SYN3: variants seen among roughly 807,000 people sequenced by gnomAD.
SYN3 encodes synapsin III.
Under a neutral mutation model 65.8 loss-of-function variants are expected in SYN3, and 35 were observed. That is an observed-to-expected ratio of 0.53 (90% CI 0.41 to 0.70). The LOEUF (loss-of-function observed/expected upper bound fraction) is 0.70. SYN3 is among the 30% of genes least tolerant of loss of function. SYN3 has a pLI of 0.00. For missense variants in SYN3, 680 were observed against 749.0 expected, an observed-to-expected ratio of 0.91 and a Z score of 1.08; for synonymous variants, 270 against 292.9, an observed-to-expected ratio of 0.92 and a Z score of 0.80.
chr22:33,021,073 G>A (rs2053551694), intron 1 of SYN3, among the ~76,000 whole-genome samples: 1 of 152,090 alleles, frequency 6.6e-6, no homozygotes, highest in African/African-American at 2.4e-5. Context: ...TTGCCAGAAA[G>A]TCTGACAGTG....
At chr22:32,614,939 C>T (rs1258981217) in intron 6 of SYN3, among the ~76,000 whole-genome samples, 5 of 150,108 alleles carry the variant, frequency 3.3e-5, no homozygotes, top group African/African-American at 1.2e-4. Flanking sequence ...CTCCAAGGGA[C>T]CTTTTATTCT....
At chr22:32,552,653 T>C (rs559038519) in intron 7 of SYN3, among the ~76,000 whole-genome samples, 1 of 152,164 alleles carries the variant, frequency 6.6e-6, no homozygotes, top group East Asian at 1.9e-4. Flanking sequence ...GAAAAGAAAC[T>C]TTGATCAGTA....
intron 4 of SYN3, among the ~76,000 whole-genome samples, chr22:32,892,459 G>C (rs2049477089): frequency 6.6e-6 from 1 of 152,134 alleles, no homozygotes; most frequent in Non-Finnish European, 1.5e-5. Context: ...TGTGGGAACA[G>C]ACAAAACCCA....
intron 6 of SYN3, among the ~76,000 whole-genome samples, chr22:32,722,090 T>C (rs1400545257): frequency 6.6e-6 from 1 of 152,000 alleles, no homozygotes; most frequent in Non-Finnish European, 1.5e-5. Flanking sequence ...GACGGTTCAA[T>C]GCATCTCGAA....
chr22:32,885,533 C>T (rs965862410), intron 4 of SYN3, among the ~76,000 whole-genome samples: 1 of 151,880 alleles, frequency 6.6e-6, no homozygotes, highest in Non-Finnish European at 1.5e-5. Flanking sequence ...ACATCTCAGG[C>T]CTCCCTGGTC....
chr22:32,934,377 G>A (rs1569337985), intron 3 of SYN3, among the ~76,000 whole-genome samples: 1 of 152,174 alleles, frequency 6.6e-6, no homozygotes, highest in Non-Finnish European at 1.5e-5. Context: ...GGATGTACAA[G>A]TTAGAGGTTC....
chr22:32,791,057 T>C (rs1383646263), intron 6 of SYN3, among the ~76,000 whole-genome samples: 1 of 152,224 alleles, frequency 6.6e-6, no homozygotes, highest in Non-Finnish European at 1.5e-5. Context: ...ACAGATTAAC[T>C]GTGTAACCTT....
chr22:32,635,554 A>G (rs547047841), intron 6 of SYN3, among the ~76,000 whole-genome samples: 1 of 152,338 alleles, frequency 6.6e-6, no homozygotes, highest in African/African-American at 2.4e-5. Flanking sequence ...TATTAGAGCA[A>G]ATATTTCACA....
At chr22:32,796,792 C>T (rs2046438920) in intron 6 of SYN3, among the ~76,000 whole-genome samples, 1 of 152,156 alleles carries the variant, frequency 6.6e-6, no homozygotes, top group Admixed American at 6.5e-5. Flanking sequence ...AATGACAGTA[C>T]CTTCTCCAGG....
At chr22:32,596,818 G>C in intron 6 of SYN3, 82 bp from the exon 7 acceptor site, 1 of 1,396,530 alleles carries the variant, frequency 7.2e-7, no homozygotes, top group Non-Finnish European at 1.0e-6. Context: ...TCCATAGAAA[G>C]ATCCATTCAT....
At chr22:33,009,329 A>G (rs2053288816) in intron 1 of SYN3, among the ~76,000 whole-genome samples, 1 of 152,102 alleles carries the variant, frequency 6.6e-6, no homozygotes, top group Non-Finnish European at 1.5e-5. Context: ...GTAGCATAGT[A>G]TCTTATTGTG....
intron 6 of SYN3, among the ~76,000 whole-genome samples, chr22:32,780,983 T>TTCCTTCCTTCCTTCCTTACC (rs747486689): frequency 1.3e-5 from 1 of 78,136 alleles, no homozygotes; most frequent in African/African-American, 4.4e-5. Context: ...CCTTCCCTCC[T>TTCCTTCCTTCCTTCCTTACC]TCCTTCCTCT....
At chr22:32,989,722 C>G (rs987650129) in intron 2 of SYN3, among the ~76,000 whole-genome samples, 6 of 148,124 alleles carry the variant, frequency 4.1e-5, no homozygotes, top group African/African-American at 1.5e-4. Context: ...GTAATCCCAG[C>G]TACTCGGGAG....
At chr22:32,515,302 T>G (rs1321706192) in intron 13 of SYN3, among the ~76,000 whole-genome samples, 1 of 152,222 alleles carries the variant, frequency 6.6e-6, no homozygotes, top group African/African-American at 2.4e-5. Context: ...ACAGGCTGTA[T>G]GCAGATAAGC....
chr22:32,544,916 AT>A (rs2058314180), intron 7 of SYN3, among the ~76,000 whole-genome samples: 1 of 152,008 alleles, frequency 6.6e-6, no homozygotes, highest in African/African-American at 2.4e-5. Flanking sequence ...CCACAGCATC[AT>A]TTTCCTGCTT....
Position 33,006,706 on chromosome 22 carries a change from G to A in SYN3, c.-44C>T, listed in dbSNP as rs2053209132. 6.6e-7 allele frequency: 1 copy of A among 1,524,766 alleles called. No homozygotes were observed. Among genetic ancestry groups the A allele is most frequent in the African/African-American group, 1.4e-5 (1 of 72,122 alleles). The allele number at this position is 1,524,766 out of a possible 1,614,324, so 94.5% of individuals were successfully genotyped here. A position where few individuals can be genotyped will look rare whatever the true frequency, so the allele number is the denominator to read the frequency against. On this transcript the variant is annotated 5_prime_UTR_variant, in exon 2 of 14. Coordinates refer to ENST00000358763, the MANE Select transcript of SYN3 (RefSeq NM_003490.4). ...ATGACTGGCTCCTACCCAGACGTGT[G>A]TAGGTGAGGCCCAGAAGACAGGCTG...
chr22:32,618,823 A>C (rs1249800213), intron 6 of SYN3, among the ~76,000 whole-genome samples: 3 of 152,198 alleles, frequency 2.0e-5, no homozygotes, highest in Non-Finnish European at 4.4e-5. Context: ...AGTGGGCCAC[A>C]GCTCCTTAAG....
chr22:32,930,661 G>A (rs904131649), intron 4 of SYN3, among the ~76,000 whole-genome samples: 3 of 151,972 alleles, frequency 2.0e-5, no homozygotes, highest in Admixed American at 2.0e-4. Flanking sequence ...AGCTTTTCCT[G>A]TTTTCCCTCC....
chr22:32,588,752 G>C (rs780574299), intron 7 of SYN3, among the ~76,000 whole-genome samples: 3 of 152,182 alleles, frequency 2.0e-5, no homozygotes, highest in African/African-American at 7.2e-5. Context: ...GATTCTGTAA[G>C]CTTTACCCTG....
Sources: gnomAD v4.1 joint callset for allele counts (sites outside exome capture counted in the v4.1 genomes callset) on GRCh38, gnomAD v4.1.1 for gene constraint, MANE v1.5 for transcripts, NCBI Gene and HGNC (gene_info 2026-07-23, HGNC 2026-07-21) for gene names.